Variants in CNTN5 observed in about 807,000 individuals in gnomAD.
CNTN5 encodes the protein contactin-5.
In CNTN5, 77 loss-of-function variants were observed where a neutral mutation model predicts 129.1. That is an observed-to-expected ratio of 0.60 (90% CI 0.50 to 0.72). CNTN5 has a LOEUF of 0.72. CNTN5 is among the 30% of genes least tolerant of loss of function. The pLI is 0.00. For missense variants in CNTN5, 1,478 were observed against 1,328.8 expected (o/e 1.11, Z -1.75); for synonymous variants, 509 against 465.6 (o/e 1.09, Z -1.20).
chr11:100,055,856 CTT>C (rs991900932), intron 9 of CNTN5, among the ~76,000 whole-genome samples: 6 of 151,600 alleles, frequency 4.0e-5, no homozygotes, highest in Admixed American at 4.0e-4. Flanking sequence ...CTCTCTCTCT[CTT>C]GCTCTCACTC....
chr11:99,403,285 C>G (rs1252371838), intron 2 of CNTN5, among the ~76,000 whole-genome samples: 2 of 152,092 alleles, frequency 1.3e-5, no homozygotes, highest in African/African-American at 4.8e-5. Flanking sequence ...CAGGCATAAG[C>G]CACCACGCCT....
rs11222090 is a variant in CNTN5, at chr11:99,968,656, C to G, written c.877+11647C>G. Among the ~76,000 whole-genome samples the G allele has an allele frequency of 6.2e-3, 458 of 73,914 alleles. 5 individuals carry two copies. The highest frequency in any genetic ancestry group is 8.1e-3 in the South Asian group (13 of 1,610). 48.5% of individuals were successfully genotyped at this position (73,914 alleles called of 152,430 possible). On this transcript the variant is annotated intron_variant, in intron 8 of 24. Coordinates refer to ENST00000524871, the MANE Select transcript of CNTN5 (RefSeq NM_014361.4). The stretch of plus-strand genomic sequence containing the variant: ...ATGGTAATTGGAATAGCTTTGGGTA[C>G]TTTTTTTTTTTTTTTTTTTTTTTTT...
chr11:99,590,614 A>G (rs2135665464), intron 3 of CNTN5, among the ~76,000 whole-genome samples: 1 of 152,388 alleles, frequency 6.6e-6, no homozygotes, highest in Non-Finnish European at 1.5e-5. Context: ...ATGTGTCAGT[A>G]AAGCCACTAT....
At chr11:100,059,574 G>A (rs1943377454) in intron 9 of CNTN5, among the ~76,000 whole-genome samples, 1 of 151,914 alleles carries the variant, frequency 6.6e-6, no homozygotes, top group East Asian at 1.9e-4. Flanking sequence ...AATGCAAATG[G>A]CCAATAAAAT....
intron 9 of CNTN5, among the ~76,000 whole-genome samples, chr11:100,042,637 A>G (rs1023503067): frequency 1.6e-4 from 24 of 152,320 alleles, no homozygotes; most frequent in African/African-American, 5.1e-4. Flanking sequence ...TTTAAAAAAT[A>G]CCTTTAATGA....
At chr11:99,299,539 AAC>A (rs1391379235) in intron 1 of CNTN5, among the ~76,000 whole-genome samples, 1 of 152,190 alleles carries the variant, frequency 6.6e-6, no homozygotes, top group Non-Finnish European at 1.5e-5. Context: ...AAGAAAAATA[AAC>A]AGAGTCTCAA....
intron 3 of CNTN5, among the ~76,000 whole-genome samples, chr11:99,653,942 A>G (rs576092594): frequency 6.6e-6 from 1 of 152,178 alleles, no homozygotes; most frequent in Non-Finnish European, 1.5e-5. Flanking sequence ...AATACTGCCA[A>G]AGCAGTCAGT....
intron 1 of CNTN5, among the ~76,000 whole-genome samples, chr11:99,303,366 A>G (rs1228249951): frequency 6.6e-6 from 1 of 151,830 alleles, no homozygotes; most frequent in African/African-American, 2.4e-5. Context: ...TAAACTTAGA[A>G]CACATGATTT....
intron 3 of CNTN5, among the ~76,000 whole-genome samples, chr11:99,652,975 C>A (rs1473245980): frequency 6.6e-6 from 1 of 151,724 alleles, no homozygotes; most frequent in Non-Finnish European, 1.5e-5. Context: ...AATATATAAA[C>A]CTTGGGGTAA....
chr11:99,310,478 G>A (rs1223878868), intron 1 of CNTN5, among the ~76,000 whole-genome samples: 1 of 151,922 alleles, frequency 6.6e-6, no homozygotes, highest in Admixed American at 6.6e-5. Context: ...TATTACGTTG[G>A]TAAAATGTTT....
chr11:99,725,686 A>G (rs945441428), intron 3 of CNTN5, among the ~76,000 whole-genome samples: 4 of 152,208 alleles, frequency 2.6e-5, no homozygotes, highest in Non-Finnish European at 4.4e-5. Context: ...AAACATATGT[A>G]TTCTTAGAAC....
intron 1 of CNTN5, among the ~76,000 whole-genome samples, chr11:99,025,711 T>C (rs1296930169): frequency 6.6e-6 from 1 of 151,784 alleles, no homozygotes; most frequent in East Asian, 1.9e-4. Flanking sequence ...TCTATTAATG[T>C]ATTTTTACAA....
intron 2 of CNTN5, among the ~76,000 whole-genome samples, chr11:99,520,992 C>T (rs1947255412): frequency 6.6e-6 from 1 of 152,006 alleles, no homozygotes; most frequent in African/African-American, 2.4e-5. Flanking sequence ...TATATAGCTC[C>T]TTCAGATTAA....
chr11:100,002,247 G>A, intron 9 of CNTN5, 111 bp downstream of exon 9: 2 of 626,058 alleles, frequency 3.2e-6, no homozygotes, highest in Non-Finnish European at 5.1e-6. Context: ...GTTCCATGGT[G>A]GCTATTTATT....
chr11:100,236,473 G>A (rs954028385), intron 16 of CNTN5, among the ~76,000 whole-genome samples: 1 of 152,208 alleles, frequency 6.6e-6, no homozygotes. Flanking sequence ...TTTTTACATT[G>A]GGGGCATATA....
intron 16 of CNTN5, among the ~76,000 whole-genome samples, chr11:100,250,209 G>T (rs1262166697): frequency 6.6e-6 from 1 of 151,170 alleles, no homozygotes; most frequent in Admixed American, 6.6e-5. Context: ...AAACTTGGAT[G>T]AAAAAAAACC....
At chr11:100,031,763 A>G (rs533254481) in intron 9 of CNTN5, among the ~76,000 whole-genome samples, 13 of 152,320 alleles carry the variant, frequency 8.5e-5, no homozygotes, top group African/African-American at 2.4e-4. Context: ...TTATCTCTGT[A>G]TACTGTACTT....
chr11:99,779,394 T>G (rs897087533), intron 3 of CNTN5, among the ~76,000 whole-genome samples: 3 of 152,040 alleles, frequency 2.0e-5, no homozygotes, highest in Admixed American at 2.0e-4. Context: ...AATACAACAC[T>G]AAGACTTTCA....
intron 15 of CNTN5, among the ~76,000 whole-genome samples, chr11:100,207,767 T>A (rs1323640109): frequency 1.3e-5 from 2 of 152,196 alleles, no homozygotes; most frequent in Admixed American, 1.3e-4. Flanking sequence ...ACTGAGCTCG[T>A]CACATCACTA....
Sources: gnomAD v4.1 joint callset for allele counts (sites outside exome capture counted in the v4.1 genomes callset) on GRCh38, gnomAD v4.1.1 for gene constraint, MANE v1.5 for transcripts, NCBI Gene and HGNC (gene_info 2026-07-23, HGNC 2026-07-21) for gene names.